Variants in NTRK2 observed in about 807,000 individuals in gnomAD.
The protein encoded by NTRK2 is neurotrophic receptor tyrosine kinase 2.
In NTRK2, 13 loss-of-function variants were observed where a neutral mutation model predicts 94.5. That is an observed-to-expected ratio of 0.14 (90% CI 0.09 to 0.22). The LOEUF is 0.22. Ranked by LOEUF, NTRK2 falls within the 10% of genes least tolerant of loss-of-function variation. The probability of loss-of-function intolerance (pLI) is 1.00; values close to 1 mark genes in which losing one functional copy is unlikely to be tolerated. For missense variants in NTRK2, 639 were observed against 1,071.2 expected (o/e 0.60, Z 5.63); for synonymous variants, 372 against 407.4 (o/e 0.91, Z 1.05).
At chr9:84,810,905 T>A (rs2071706617) in intron 12 of NTRK2, 1 of 1,209,248 alleles carries the variant, frequency 8.3e-7, no homozygotes, top group Non-Finnish European at 1.0e-6. Flanking sequence ...ACTTCTCTTC[T>A]GAAAAGTGTG....
intron 14 of NTRK2, among the ~76,000 whole-genome samples, chr9:84,914,342 T>C (rs933817414): frequency 3.9e-5 from 6 of 152,224 alleles, no homozygotes; most frequent in Admixed American, 3.3e-4. Flanking sequence ...TTATTGATTG[T>C]TCTTTTTAAA....
chr9:84,751,695 G>A (rs2064630888), intron 11 of NTRK2, among the ~76,000 whole-genome samples: 1 of 152,094 alleles, frequency 6.6e-6, no homozygotes, highest in Admixed American at 6.5e-5. Context: ...TTAGATGGAT[G>A]GAGAGAGAGC....
At position 84,810,883 on chromosome 9, in the gene NTRK2, C is replaced by T. The variant is rs560995256; in HGVS notation, c.1397-50157C>T. The T allele has an allele frequency of 4.8e-6, 6 of 1,251,926 alleles. No homozygotes were observed. The East Asian group carries it at 1.6e-4, about 32-fold the overall frequency. 77.6% of individuals were successfully genotyped at this position (1,251,926 alleles called of 1,614,324 possible). On this transcript the variant is annotated intron_variant, in intron 12 of 18. Coordinates refer to ENST00000277120, the MANE Select transcript of NTRK2 (RefSeq NM_006180.6). Reference sequence around the variant, plus strand: ...TCAAATACAAAACTGAAATGAAATCCCATTGGATTGTACTTCTCTTCTGAA... The same window carrying T: ...TCAAATACAAAACTGAAATGAAATCTCATTGGATTGTACTTCTCTTCTGAA...
In NTRK2 at chr9:84,670,869, T is replaced by A. The variant is rs1454412423; in HGVS notation, c.121T>A (p.Ser41Thr). ...ACPTSCKCSA[S>T]RIWCSDPSPG... is the part of the protein sequence containing the mutation. ...TCCCACGTCCTGCAAATGCAGTGCCTCTCGGATCTGGTGCAGCGACCCTTC... is the reference window on the plus strand; with the variant it reads ...TCCCACGTCCTGCAAATGCAGTGCCACTCGGATCTGGTGCAGCGACCCTTC... The change falls in exon 2 of 19, where the codon TCT becomes ACT. Residue 41 changes from serine to threonine, a missense_variant. Coordinates refer to ENST00000277120, the MANE Select transcript of NTRK2 (RefSeq NM_006180.6). 6.2e-7 allele frequency: 1 copy of A among 1,613,844 alleles called. No homozygotes were observed. The highest frequency in any genetic ancestry group is 8.5e-7 in the Non-Finnish European group (1 of 1,180,036).
chr9:84,794,440 C>G (rs1346810567), intron 12 of NTRK2, among the ~76,000 whole-genome samples: 1 of 152,012 alleles, frequency 6.6e-6, no homozygotes, highest in South Asian at 2.1e-4. Flanking sequence ...ATGGCATAGC[C>G]AAAAAACCCC....
chr9:84,738,043 G>A (rs1051705640), intron 9 of NTRK2, among the ~76,000 whole-genome samples: 12 of 151,478 alleles, frequency 7.9e-5, no homozygotes, highest in African/African-American at 2.7e-4. Context: ...CCAGTGAGCT[G>A]TGGGGATCAT....
At chr9:84,703,544 TGAG>T (rs1351992036) in intron 4 of NTRK2, among the ~76,000 whole-genome samples, 1 of 152,186 alleles carries the variant, frequency 6.6e-6, no homozygotes, top group Non-Finnish European at 1.5e-5. Context: ...TCTTTTTTTT[TGAG>T]GAGAACAGTT....
At position 84,813,050 on chromosome 9, in the gene NTRK2, A is replaced by T. The variant is rs200238303; in HGVS notation, c.1397-47990A>T. ...CATCATTTTGCTTTTTATGTCTCCC[A>T]TAAGAAATGTGCTTTTTAGAGCTTC... On this transcript the variant is annotated intron_variant, in intron 12 of 18. Transcript: ENST00000277120. The T allele has an allele frequency of 8.7e-6, 9 of 1,038,096 alleles. No individual in the cohort carries two copies. The South Asian group carries it at 3.7e-4, about 42-fold the overall frequency. 64.3% of individuals were successfully genotyped at this position (1,038,096 alleles called of 1,614,324 possible).
intron 15 of NTRK2, among the ~76,000 whole-genome samples, chr9:84,939,067 A>AAAAAAAAAAAAAAG (rs1554772373): frequency 6.9e-6 from 1 of 144,658 alleles, no homozygotes; most frequent in Admixed American, 7.4e-5. Context: ...AAAAAAAAAA[A>AAAAAAAAAAAAAAG]AAAAGAAAAG....
At chr9:84,811,267 C>A (rs755424311) in intron 12 of NTRK2, 11 of 1,064,992 alleles carry the variant, frequency 1.0e-5, no homozygotes, top group Non-Finnish European at 1.1e-5. Flanking sequence ...CTTAAAGTTC[C>A]TTAGCCAGCA....
intron 2 of NTRK2, among the ~76,000 whole-genome samples, chr9:84,680,248 G>C (rs540185336): frequency 6.6e-6 from 1 of 152,274 alleles, no homozygotes; most frequent in Admixed American, 6.5e-5. Context: ...CCCCTGAGCA[G>C]CTTATATCTA....
chr9:84,796,456 A>G (rs933659808), intron 12 of NTRK2, among the ~76,000 whole-genome samples: 6 of 152,196 alleles, frequency 3.9e-5, no homozygotes, highest in African/African-American at 1.4e-4. Context: ...GGGAAAAAGT[A>G]TATTGGATCC....
rs199996790 is a variant in NTRK2, at chr9:85,022,160, C to A, written c.*723C>A. 1 of 233,266 alleles carries A rather than the reference C, an allele frequency of 4.3e-6. No individual in the cohort carries two copies. 14.4% of individuals were successfully genotyped at this position (233,266 alleles called of 1,614,324 possible). On this transcript the variant is annotated 3_prime_UTR_variant, in exon 19 of 19. Coordinates refer to ENST00000277120, the MANE Select transcript of NTRK2 (RefSeq NM_006180.6). ...CCACTGGGATCAGCTGGTGTCAGTC[C>A]CTACTTAGGAAATACTCAGCAACTG...
chr9:84,691,413 A>G (rs2060041573), intron 2 of NTRK2, among the ~76,000 whole-genome samples: 1 of 152,168 alleles, frequency 6.6e-6, no homozygotes, highest in Non-Finnish European at 1.5e-5. Context: ...TTAGACTCCC[A>G]TTCCTACATG....
intron 2 of NTRK2, among the ~76,000 whole-genome samples, chr9:84,696,955 G>A (rs2060416850): frequency 6.6e-6 from 1 of 152,180 alleles, no homozygotes; most frequent in Non-Finnish European, 1.5e-5. Flanking sequence ...CCTAGCAAGA[G>A]TCCTGTATAT....
intron 14 of NTRK2, among the ~76,000 whole-genome samples, chr9:84,870,331 G>GTGTGTATGTATATA (rs1349303529): frequency 6.4e-5 from 2 of 31,176 alleles, no homozygotes; most frequent in Non-Finnish European, 1.4e-4. Context: ...GTGTGTGTGT[G>GTGTGTATGTATATA]TATATATATA....
chr9:84,701,727 G>A (rs1477105191), intron 2 of NTRK2, among the ~76,000 whole-genome samples: 1 of 152,134 alleles, frequency 6.6e-6, no homozygotes, highest in African/African-American at 2.4e-5. Flanking sequence ...AGGAGGGAGT[G>A]GCTGTCTCTC....
At chr9:84,967,671 C>T (rs1007563661) in intron 17 of NTRK2, among the ~76,000 whole-genome samples, 9 of 152,226 alleles carry the variant, frequency 5.9e-5, no homozygotes, top group Non-Finnish European at 1.3e-4. Flanking sequence ...ACGCCCTCAG[C>T]CCTGGAGATA....
At chr9:84,673,862 C>T (rs184703813) in intron 2 of NTRK2, among the ~76,000 whole-genome samples, 6 of 152,304 alleles carry the variant, frequency 3.9e-5, no homozygotes, top group Admixed American at 3.9e-4. Context: ...ATCACGCCTG[C>T]TCAACATCAC....
Sources: allele counts gnomAD v4.1 joint callset (sites outside exome capture counted in the v4.1 genomes callset), GRCh38; gene constraint gnomAD v4.1.1; transcripts MANE v1.5; gene names NCBI Gene and HGNC (gene_info 2026-07-23, HGNC 2026-07-21).